Variants in POC1A observed in about 807,000 individuals in gnomAD.
The protein encoded by POC1A is POC1 centriolar protein homolog A.
POC1A carries 34 observed loss-of-function variants against 47.8 expected under a neutral mutation model. The ratio of observed to expected loss-of-function variants is 0.71; its 90% CI spans 0.54 to 0.95. POC1A has a LOEUF of 0.95. POC1A is among the 40% of genes least tolerant of loss of function. The probability of loss-of-function intolerance (pLI) is 0.00; values close to 1 mark genes in which losing one functional copy is unlikely to be tolerated. For missense variants in POC1A, 466 were observed against 528.3 expected (o/e 0.88, Z 1.16); for synonymous variants, 177 against 207.6 (o/e 0.85, Z 1.27).
intron 10 of POC1A, among the ~76,000 whole-genome samples, chr3:52,085,325 C>A (rs1475080987): frequency 6.6e-6 from 1 of 152,206 alleles, no homozygotes; most frequent in Non-Finnish European, 1.5e-5. Flanking sequence ...TCCTCTCAGT[C>A]CCCATCCTCA....
intron 9 of POC1A, among the ~76,000 whole-genome samples, chr3:52,101,777 G>A (rs1459075518): frequency 6.6e-6 from 1 of 152,156 alleles, no homozygotes; most frequent in African/African-American, 2.4e-5. Context: ...ATCCTAGAAG[G>A]AGAAGAGAGA....
intron 6 of POC1A, among the ~76,000 whole-genome samples, chr3:52,142,820 G>A (rs1698241585): frequency 6.6e-6 from 1 of 152,152 alleles, no homozygotes; most frequent in African/African-American, 2.4e-5. Context: ...CACCTATGGG[G>A]GTGGGGGAGC....
intron 10 of POC1A, among the ~76,000 whole-genome samples, chr3:52,094,594 T>C (rs1559815732): frequency 1.3e-5 from 2 of 152,350 alleles, no homozygotes; most frequent in Middle Eastern, 3.4e-3. Flanking sequence ...CTATGCACAG[T>C]TCTGAAAATG....
rs570298576 is a variant in POC1A, at chr3:52,096,608, C to T, written c.1086G>A (p.Thr362=). The T allele has an allele frequency of 1.6e-5, 25 of 1,608,170 alleles. No individual in the cohort carries two copies. In the East Asian group the frequency reaches 2.9e-4, roughly 19 times the overall value. Residue 362 remains threonine (T), a synonymous_variant, in exon 10 of 11, where the codon ACG becomes ACA. Transcript: ENST00000296484. The part of the protein sequence containing the change: ...PVSVPQTLTS[T]LEHIVGQLDV... ...CCAGCTGGCCCACAATGTGCTCCAG[C>T]GTGCTAGTCAGTGTCTGGGGCACAC...
chr3:52,096,063 A>G (rs1416435030), intron 10 of POC1A, among the ~76,000 whole-genome samples: 1 of 152,256 alleles, frequency 6.6e-6, no homozygotes, highest in Admixed American at 6.5e-5. Context: ...CTCACCATGA[A>G]TGTGGCAGGC....
At chr3:52,150,197 C>CA (rs1257851971) in intron 2 of POC1A, among the ~76,000 whole-genome samples, 2 of 152,210 alleles carry the variant, frequency 1.3e-5, no homozygotes, top group Non-Finnish European at 2.9e-5. Context: ...CCAAGGAGCA[C>CA]ACCCACATGG....
chr3:52,127,540 G>A (rs974492302), intron 7 of POC1A, among the ~76,000 whole-genome samples: 8 of 148,096 alleles, frequency 5.4e-5, no homozygotes, highest in African/African-American at 7.5e-5. Flanking sequence ...ACAGGTGCCC[G>A]CCACCACGCC....
At chr3:52,147,703 C>G (rs907673918) in intron 4 of POC1A, among the ~76,000 whole-genome samples, 20 of 152,152 alleles carry the variant, frequency 1.3e-4, no homozygotes, top group Non-Finnish European at 2.4e-4. Context: ...CTCATCCACC[C>G]AAAGTGCTAG....
At chr3:52,078,818 T>C (rs1004062634) in intron 10 of POC1A, among the ~76,000 whole-genome samples, 3 of 152,240 alleles carry the variant, frequency 2.0e-5, no homozygotes, top group African/African-American at 7.2e-5. Flanking sequence ...AAATCTGAAA[T>C]GCTGCTGGTG....
chr3:52,105,319 G>T (rs897795107), intron 9 of POC1A, among the ~76,000 whole-genome samples: 4 of 152,322 alleles, frequency 2.6e-5, no homozygotes, highest in African/African-American at 7.2e-5. Context: ...CTGAATCTTC[G>T]ATTGGACTGT....
At position 52,090,836 on chromosome 3, in the gene POC1A, T is replaced by C. The variant is rs1209119114; in HGVS notation, c.1125+5733A>G. On this transcript the variant is annotated intron_variant, in intron 10 of 10. Coordinates refer to ENST00000296484, the MANE Select transcript of POC1A (RefSeq NM_015426.5). The surrounding 1 kb of genome is among the most constrained non-coding windows in gnomAD (Gnocchi z 4.2). ...GGTCCGGCCTAGAGTCCTCCAGGGG[T>C]GCTCAGAATGGAGGAGCCTGGCCTG... Among the ~76,000 whole-genome samples the C allele has an allele frequency of 6.6e-6, 1 of 151,434 alleles. No homozygotes were observed. The highest frequency in any genetic ancestry group is 1.5e-5 in the Non-Finnish European group (1 of 67,844).
At chr3:52,087,150 G>A (rs1162442188) in intron 10 of POC1A, among the ~76,000 whole-genome samples, 1 of 152,212 alleles carries the variant, frequency 6.6e-6, no homozygotes, top group East Asian at 1.9e-4. Context: ...TTGGGAGGGA[G>A]GAAGCCTCAT....
At chr3:52,146,086 CCTTT>C (rs1235285687) in intron 5 of POC1A, 125 bp from the exon 6 acceptor site, 34 of 621,804 alleles carry the variant, frequency 5.5e-5, no homozygotes, top group African/African-American at 3.7e-4. Flanking sequence ...CCAGACACCT[CCTTT>C]CTGTCACACT....
chr3:52,120,556 A>C (rs1480565512), intron 9 of POC1A, among the ~76,000 whole-genome samples: 1 of 152,198 alleles, frequency 6.6e-6, no homozygotes, highest in Non-Finnish European at 1.5e-5. Context: ...ACTATGTGGA[A>C]ATGTTGGTTT....
chr3:52,133,187 G>A (rs1430704630), intron 7 of POC1A, among the ~76,000 whole-genome samples: 1 of 152,222 alleles, frequency 6.6e-6, no homozygotes, highest in African/African-American at 2.4e-5. Context: ...GACAAAGGGA[G>A]TTTGGTCCTT....
Position 52,075,623 on chromosome 3 carries a change from T to C in POC1A, c.*264A>G, listed in dbSNP as rs1340805246. The stretch of plus-strand genomic sequence containing the variant: ...AGCAGACATTTTCAAGTGGCTCCTT[T>C]ACATTAAGCAAAATGTGGTCCTCTC... On this transcript the variant is annotated 3_prime_UTR_variant, in exon 11 of 11. Transcript: ENST00000296484. 1 of 319,342 alleles carries C rather than the reference T, an allele frequency of 3.1e-6. No homozygotes were observed. The highest frequency in any genetic ancestry group is 5.3e-5 in the East Asian group (1 of 18,822). The allele number at this position is 319,342 out of a possible 1,614,324, so 19.8% of individuals were successfully genotyped here.
chr3:52,141,682 TA>T (rs1339429269), intron 6 of POC1A, among the ~76,000 whole-genome samples: 1 of 152,114 alleles, frequency 6.6e-6, no homozygotes, highest in Non-Finnish European at 1.5e-5. Flanking sequence ...CCTGCCCTGA[TA>T]GCTGCAACTA....
chr3:52,106,805 G>T (rs1448570633), intron 9 of POC1A, among the ~76,000 whole-genome samples: 1 of 152,190 alleles, frequency 6.6e-6, no homozygotes, highest in African/African-American at 2.4e-5. Context: ...CAAGATGGAG[G>T]ACCTGCCCCA....
rs1215414022 is a variant in POC1A at position 52,079,669 on chromosome 3, C to T, written c.1126-3684G>A. Among the ~76,000 whole-genome samples the T allele has an allele frequency of 6.6e-6, 1 of 152,202 alleles. No homozygotes were observed. Among genetic ancestry groups the T allele is most frequent in the Non-Finnish European group, 1.5e-5 (1 of 68,042 alleles). ...GTGTCAACAAGGGAAACTGCTTTGC[C>T]TGACACAAGCGTCCATGGCTTCTGG... On this transcript the variant is annotated intron_variant, in intron 10 of 10. Coordinates refer to ENST00000296484, the MANE Select transcript of POC1A (RefSeq NM_015426.5). The surrounding 1 kb of genome is among the most constrained non-coding windows in gnomAD (Gnocchi z 4.6).
Sources: allele counts gnomAD v4.1 joint callset (sites outside exome capture counted in the v4.1 genomes callset), GRCh38; gene constraint gnomAD v4.1.1; non-coding constraint Gnocchi (gnomAD v3.1); transcripts MANE v1.5; gene names NCBI Gene and HGNC (gene_info 2026-07-23, HGNC 2026-07-21).